Variants in HDAC9 observed in about 807,000 individuals in gnomAD.
HDAC9 encodes histone deacetylase 9.
In HDAC9, 41 loss-of-function variants were observed where a neutral mutation model predicts 139.4. The observed-to-expected ratio is 0.29, with a 90% CI of 0.23 to 0.38. The LOEUF is 0.38. Among genes scored for constraint, HDAC9 ranks in the 10% least tolerant of loss-of-function variants. HDAC9 has a pLI of 1.00. For synonymous variants in HDAC9, 517 were observed against 476.2 expected (o/e 1.09, Z -1.12); for missense variants, 1,147 against 1,297.0 (o/e 0.88, Z 1.78).
chr7:18,387,064 A>G (rs887461028), intron 1 of HDAC9, among the ~76,000 whole-genome samples: 2 of 152,166 alleles, frequency 1.3e-5, no homozygotes, highest in African/African-American at 2.4e-5. Context: ...TAGATAAGGA[A>G]TATGGAGCTT....
chr7:18,867,245 T>C (rs143039529), intron 21 of HDAC9, among the ~76,000 whole-genome samples: 2 of 152,308 alleles, frequency 1.3e-5, no homozygotes, highest in Non-Finnish European at 2.9e-5. Context: ...GCCATTGTTA[T>C]TGCTTCAATC....
chr7:18,957,695 T>C (rs1464007283), intron 24 of HDAC9, among the ~76,000 whole-genome samples: 1 of 152,180 alleles, frequency 6.6e-6, no homozygotes, highest in Non-Finnish European at 1.5e-5. Flanking sequence ...GCTTCGCAAC[T>C]GCACAGGTAA....
rs372020257 is a variant in HDAC9, at chr7:18,325,094, C to T, written c.-42+34579C>T. The stretch of plus-strand genomic sequence containing the variant: ...TTGACCAACAAGTACGAGTTGAATC[C>T]GTTGCCTGAAATAAAAGGCACAAGA... On this transcript the variant is annotated intron_variant, in intron 1 of 3. Transcript: ENST00000413509. Among the ~76,000 whole-genome samples the T allele has an allele frequency of 7.9e-5, 12 of 152,036 alleles. No individual in the cohort carries two copies. In the East Asian group the frequency reaches 1.4e-3, roughly 17 times the overall value.
intron 2 of HDAC9, among the ~76,000 whole-genome samples, chr7:18,514,372 C>T (rs935094806): frequency 1.4e-4 from 22 of 152,036 alleles, no homozygotes; most frequent in Admixed American, 1.2e-3. Flanking sequence ...AAAGTTGTAT[C>T]GTTAGTGTTC....
At chr7:18,920,617 A>T (rs1262085357) in intron 22 of HDAC9, among the ~76,000 whole-genome samples, 1 of 152,130 alleles carries the variant, frequency 6.6e-6, no homozygotes, top group African/African-American at 2.4e-5. Flanking sequence ...TCAGTAAGAT[A>T]TTGGCTGTGG....
intron 1 of HDAC9, among the ~76,000 whole-genome samples, chr7:18,145,989 T>C (rs571403055): frequency 5.3e-5 from 8 of 152,190 alleles, no homozygotes; most frequent in Admixed American, 2.6e-4. Context: ...AAAGGGCACA[T>C]AGCAAATATA....
At chr7:18,168,890 T>TG (rs1463677212) in intron 2 of HDAC9, among the ~76,000 whole-genome samples, 10 of 112,856 alleles carry the variant, frequency 8.9e-5, no homozygotes, top group East Asian at 4.8e-4. Flanking sequence ...TTTTTTTTTT[T>TG]TTTTTTTTGT....
chr7:18,941,658 A>G (rs1371786323), intron 23 of HDAC9, among the ~76,000 whole-genome samples: 2 of 152,156 alleles, frequency 1.3e-5, no homozygotes, highest in Admixed American at 6.5e-5. Context: ...AACTGAATAC[A>G]GGGACAATGT....
At chr7:18,357,347 A>G (rs1013834857) in intron 1 of HDAC9, among the ~76,000 whole-genome samples, 1 of 152,196 alleles carries the variant, frequency 6.6e-6, no homozygotes, top group African/African-American at 2.4e-5. Context: ...GGGTGATCCT[A>G]GCAGTTAAAT....
intron 17 of HDAC9, among the ~76,000 whole-genome samples, chr7:18,809,350 C>T (rs1020597013): frequency 1.3e-5 from 2 of 151,904 alleles, no homozygotes; most frequent in Admixed American, 6.6e-5. Flanking sequence ...TTATATTAAA[C>T]TAAAAAGCCT....
intron 1 of HDAC9, among the ~76,000 whole-genome samples, chr7:18,459,410 G>A (rs1447264389): frequency 1.3e-5 from 2 of 152,068 alleles, no homozygotes; most frequent in African/African-American, 4.8e-5. Context: ...CTACAAAAAT[G>A]GTGAGTAAAT....
chr7:18,978,453 G>A (rs1784691621), intron 25 of HDAC9, among the ~76,000 whole-genome samples: 1 of 152,082 alleles, frequency 6.6e-6, no homozygotes, highest in Non-Finnish European at 1.5e-5. Flanking sequence ...CTACATTGAT[G>A]GGCCTTGAAG....
intron 22 of HDAC9, among the ~76,000 whole-genome samples, chr7:18,925,930 A>C (rs1000465553): frequency 1.9e-5 from 2 of 103,934 alleles, no homozygotes; most frequent in Non-Finnish European, 2.4e-5. Context: ...TCCTCAAAAA[A>C]TTGCTCTCTG....
At chr7:18,406,377 T>C (rs1382290693) in intron 1 of HDAC9, among the ~76,000 whole-genome samples, 1 of 151,770 alleles carries the variant, frequency 6.6e-6, no homozygotes, top group East Asian at 1.9e-4. Flanking sequence ...TCCCTTTTTT[T>C]CTTTTTCTTT....
intron 1 of HDAC9, among the ~76,000 whole-genome samples, chr7:18,298,683 C>G (rs1419455672): frequency 6.6e-6 from 1 of 152,050 alleles, no homozygotes; most frequent in Non-Finnish European, 1.5e-5. Context: ...CTTTGTTTAG[C>G]TTGTATTTGA....
At position 18,857,335 on chromosome 7, in the gene HDAC9, T is replaced by TTGTGTGTGTGTGTGTGTG. The variant is rs375575248; in HGVS notation, c.2685-17131_2685-17114dup. Among the ~76,000 whole-genome samples, 1,208 of 140,934 alleles carry TTGTGTGTGTGTGTGTGTG rather than the reference T, an allele frequency of 8.6e-3. 9 individuals are homozygous for TTGTGTGTGTGTGTGTGTG. The highest frequency in any genetic ancestry group is 0.011 in the Non-Finnish European group (698 of 65,364). The allele number at this position is 140,934 out of a possible 152,430, so 92.5% of individuals were successfully genotyped here. A position where few individuals can be genotyped will look rare whatever the true frequency, so the allele number is the denominator to read the frequency against. On this transcript the variant is annotated intron_variant, in intron 21 of 25. Coordinates refer to ENST00000686413, the MANE Select transcript of HDAC9 (RefSeq NM_178425.4). ...TATTGTTTCACAAAATATGTTTTAG[T>TTGTGTGTGTGTGTGTGTG]TGTGTGTGTGTGTGTGTGTGTGTGT...
In HDAC9 at chr7:18,591,587, A is replaced by G; in HGVS notation, c.487A>G (p.Thr163Ala). The G allele has an allele frequency of 1.2e-6, 2 of 1,613,296 alleles. No homozygotes were observed. The highest frequency in any genetic ancestry group is 1.7e-6 in the Non-Finnish European group (2 of 1,179,724). The change falls in exon 5 of 26, where the codon ACT (threonine) becomes GCT (alanine). Residue 163 changes from threonine to alanine, a missense_variant. Thr to Ala is a moderately conservative substitution (Grantham distance 58). This residue lies in a region of HDAC9 where 79 missense variants were observed against 65.8 expected (regional missense o/e 1.20). Coordinates refer to ENST00000686413, the MANE Select transcript of HDAC9 (RefSeq NM_178425.4). ...ACTGAGTAAATCAGCAACGAAAGAC[A>G]CTCCAACTAATGGAAAAAATCATTC... The part of the protein sequence containing the change: ...FLLSKSATKD[T>A]PTNGKNHSVS...
chr7:18,280,616 T>G (rs1017346766), intron 2 of HDAC9, among the ~76,000 whole-genome samples: 1 of 145,548 alleles, frequency 6.9e-6, no homozygotes, highest in African/African-American at 2.6e-5. Context: ...ACAAAAAAAA[T>G]AGCTGGCGTG....
chr7:18,597,646 G>C (rs1832854451), intron 6 of HDAC9, among the ~76,000 whole-genome samples: 1 of 152,158 alleles, frequency 6.6e-6, no homozygotes, highest in Non-Finnish European at 1.5e-5. Flanking sequence ...GTTCCAGTGA[G>C]TGTGTGCATA....
Sources: allele counts gnomAD v4.1 joint callset (sites outside exome capture counted in the v4.1 genomes callset), GRCh38; gene constraint gnomAD v4.1.1; regional missense constraint gnomAD v4.1.1; transcripts MANE v1.5; gene names NCBI Gene and HGNC (gene_info 2026-07-23, HGNC 2026-07-21).